The following GFRA3 variants were observed in gnomAD, a reference collection of about 807,000 sequenced individuals.
The protein encoded by GFRA3 is GDNF family receptor alpha 3.
Under a neutral mutation model 40.0 loss-of-function variants are expected in GFRA3, and 24 were observed. The observed-to-expected ratio is 0.60, with a 90% CI of 0.43 to 0.84. GFRA3 has a LOEUF of 0.84. Ranked by LOEUF, GFRA3 falls within the 40% of genes least tolerant of loss-of-function variation. The probability of loss-of-function intolerance (pLI) is 0.00; values close to 1 mark genes in which losing one functional copy is unlikely to be tolerated. For synonymous variants in GFRA3, 203 were observed against 213.5 expected, an observed-to-expected ratio of 0.95 and a Z score of 0.43; for missense variants, 405 against 530.6, an observed-to-expected ratio of 0.76 and a Z score of 2.33.
At chr5:138,268,591 A>G (rs1014545884) in intron 1 of GFRA3, among the ~76,000 whole-genome samples, 1 of 152,142 alleles carries the variant, frequency 6.6e-6, no homozygotes, top group Non-Finnish European at 1.5e-5. Context: ...CAAATCAGCA[A>G]GAAAAAAACA....
At chr5:138,257,413 T>A (rs899849597) in intron 4 of GFRA3, among the ~76,000 whole-genome samples, 4 of 152,234 alleles carry the variant, frequency 2.6e-5, no homozygotes, top group African/African-American at 9.6e-5. Context: ...AATGATTTTT[T>A]AAAATACATT....
intron 1 of GFRA3, among the ~76,000 whole-genome samples, chr5:138,271,913 T>G (rs112287539): frequency 0.23 from 12,764 of 55,702 alleles, 2,704 homozygotes; most frequent in Non-Finnish European, 0.29. Context: ...TTTTTTTTTT[T>G]TGTGTGTGTG....
At chr5:138,274,304 C>T in intron 1 of GFRA3, 30 bp downstream of exon 1, 1 of 1,319,264 alleles carries the variant, frequency 7.6e-7, no homozygotes, top group Non-Finnish European at 9.7e-7. Flanking sequence ...TCCCACTGTA[C>T]CCCCGGCCGG....
intron 7 of GFRA3, 22 bp from the exon 8 acceptor site, chr5:138,253,079 GT>G: frequency 7.4e-7 from 1 of 1,359,408 alleles, no homozygotes; most frequent in Non-Finnish European, 1.1e-6. Flanking sequence ...ATGGAATGGA[GT>G]TAGCTCAGGG....
intron 2 of GFRA3, among the ~76,000 whole-genome samples, chr5:138,260,989 C>G (rs1755701442): frequency 6.6e-6 from 1 of 152,102 alleles, no homozygotes; most frequent in Non-Finnish European, 1.5e-5. Context: ...CCACTGCACT[C>G]CAGCCTGGGT....
chr5:138,257,883 C>T lies in GFRA3; in HGVS notation c.541G>A (p.Ala181Thr). 1 of 1,614,024 alleles carries T rather than the reference C, an allele frequency of 6.2e-7. No homozygotes were observed. The highest frequency in any genetic ancestry group is 8.5e-7 in the Non-Finnish European group (1 of 1,179,938). Reference protein sequence around the residue: ...LNDKCDRLRKAYGEACSGPHC... With the variant: ...LNDKCDRLRKTYGEACSGPHC... Reference sequence around the variant, plus strand: ...GGCCCGGAGCACGCCTCCCCGTAGGCCTTGCGCAGCCGGTCACACTTGTCA... The same window carrying T: ...GGCCCGGAGCACGCCTCCCCGTAGGTCTTGCGCAGCCGGTCACACTTGTCA... Residue 181 changes from alanine to threonine, a missense_variant, in exon 4 of 8, where the codon GCC (alanine) becomes ACC (threonine). Ala to Thr is a moderately conservative substitution (Grantham distance 58). Transcript: ENST00000274721.
In GFRA3 at chr5:138,254,160, T is replaced by C. The variant is rs73792434; in HGVS notation, c.786A>G (p.Arg262=). The change falls in exon 5 of 8, where the codon AGA becomes AGG. Residue 262 remains arginine, a splice_region_variant and synonymous_variant. Coordinates refer to ENST00000274721, the MANE Select transcript of GFRA3 (RefSeq NM_001496.4). ...RRLCFSDPLC[R]SRLVDFQTHC... ...GGGTCTGGAAATCCACCAGGCGTGA[T>C]CTGGAAGAAGGGAAATTTCTGTCTT... 6.7e-5 allele frequency: 104 copies of C among 1,561,160 alleles called. 1 individual carries two copies. The African/African-American group carries it at 1.3e-3, about 20-fold the overall frequency.
chr5:138,269,144 T>C (rs1755829880), intron 1 of GFRA3, among the ~76,000 whole-genome samples: 1 of 152,100 alleles, frequency 6.6e-6, no homozygotes, highest in African/African-American at 2.4e-5. Flanking sequence ...AAACAGTAGA[T>C]GTTGGCATGG....
In GFRA3 at chr5:138,261,250, G is replaced by A. The variant is rs541107059; in HGVS notation, c.380-1601C>T. ...TGCTGAATGAGTTTGTACTGTTAGG[G>A]GAAGCTGAGAAGCAGAAGTTTACTA... On this transcript the variant is annotated intron_variant, in intron 2 of 7. Transcript: ENST00000274721. Among the ~76,000 whole-genome samples, 204 of 152,276 alleles carry A rather than the reference G, an allele frequency of 1.3e-3. 3 individuals carry two copies. The highest frequency in any genetic ancestry group is 4.3e-3 in the African/African-American group (178 of 41,548).
intron 1 of GFRA3, among the ~76,000 whole-genome samples, chr5:138,274,080 G>A (rs1755914081): frequency 6.6e-6 from 1 of 152,212 alleles, no homozygotes; most frequent in Admixed American, 6.5e-5. Context: ...GAAGAGGGGG[G>A]AAAAAGGGGC....
intron 2 of GFRA3, among the ~76,000 whole-genome samples, chr5:138,262,448 T>C (rs574542233): frequency 3.3e-4 from 51 of 152,250 alleles, no homozygotes; most frequent in Non-Finnish European, 4.0e-4. Flanking sequence ...GTGTCTCCCA[T>C]TCATTCATTC....
chr5:138,257,656 G>C lies in GFRA3; in HGVS notation c.768C>G (p.Phe256Leu). 2.5e-6 allele frequency: 4 copies of C among 1,609,972 alleles called. No individual in the cohort carries two copies. The highest frequency in any genetic ancestry group is 3.4e-6 in the Non-Finnish European group (4 of 1,179,142). ...CTACACACCTGCAAAGCGGGTCGGA[G>C]AAGCAGAGGCGCCGCAGCTCCAGGC... ...PNCLELRRLCFSDPLCRSRLV... is the reference protein window; with the variant it reads ...PNCLELRRLCLSDPLCRSRLV... The change falls in exon 4 of 8, where the codon TTC becomes TTG. Residue 256 changes from phenylalanine to leucine, a missense_variant. Phe to Leu is a conservative substitution (Grantham distance 22). Transcript: ENST00000274721.
intron 3 of GFRA3, among the ~76,000 whole-genome samples, 175 bp from the exon 4 acceptor site, chr5:138,258,126 ACT>A (rs1188445552): frequency 4.2e-5 from 6 of 144,120 alleles, no homozygotes; most frequent in African/African-American, 1.6e-4. Context: ...CTCCCCACAA[ACT>A]CTACCTGCTG....
At chr5:138,264,776 G>A (rs1390601669) in intron 1 of GFRA3, among the ~76,000 whole-genome samples, 1 of 152,152 alleles carries the variant, frequency 6.6e-6, no homozygotes, top group Non-Finnish European at 1.5e-5. Flanking sequence ...ACAAGAAATA[G>A]GGGTTTGCAG....
At chr5:138,254,034 C>A in intron 5 of GFRA3, 23 bp downstream of exon 5, 1 of 1,570,750 alleles carries the variant, frequency 6.4e-7, no homozygotes, top group Non-Finnish European at 8.8e-7. Flanking sequence ...CATAGGGTTC[C>A]CTACACATGC....
chr5:138,271,913 T>TTTTTTGTGTG (rs59830655), intron 1 of GFRA3, among the ~76,000 whole-genome samples: 3 of 54,330 alleles, frequency 5.5e-5, no homozygotes, highest in African/African-American at 2.1e-4. Flanking sequence ...TTTTTTTTTT[T>TTTTTTGTGTG]TGTGTGTGTG....
chr5:138,270,745 ATATG>A, intron 1 of GFRA3, among the ~76,000 whole-genome samples: 1 of 152,192 alleles, frequency 6.6e-6, no homozygotes, highest in Non-Finnish European at 1.5e-5. Flanking sequence ...TCTCTAGGAA[ATATG>A]TATTTCCAAA....
chr5:138,255,913 A>C (rs13160114), intron 4 of GFRA3, among the ~76,000 whole-genome samples: 3 of 143,924 alleles, frequency 2.1e-5, no homozygotes, highest in Middle Eastern at 7.1e-3. Context: ...AAAAAAAAAA[A>C]AAGAAGAAGA....
At chr5:138,263,851 T>G (rs954466395) in intron 2 of GFRA3, among the ~76,000 whole-genome samples, 4 of 152,202 alleles carry the variant, frequency 2.6e-5, no homozygotes, top group Non-Finnish European at 4.4e-5. Context: ...TCCTGGCTGG[T>G]TAATGAGTAT....
Sources: gnomAD v4.1 joint callset for allele counts (sites outside exome capture counted in the v4.1 genomes callset) on GRCh38, gnomAD v4.1.1 for gene constraint, MANE v1.5 for transcripts, NCBI Gene and HGNC (gene_info 2026-07-23, HGNC 2026-07-21) for gene names.